The following TBC1D22A variants were observed in gnomAD, a reference collection of about 807,000 sequenced individuals.
TBC1D22A encodes TBC1 domain family member 22A.
A neutral mutation model predicts 60.2 loss-of-function variants in TBC1D22A; 38 were observed. The ratio of observed to expected loss-of-function variants is 0.63; its 90% CI spans 0.49 to 0.83. The LOEUF is 0.83. Ranked by LOEUF, TBC1D22A falls within the 40% of genes least tolerant of loss-of-function variation. The probability of loss-of-function intolerance (pLI) is 0.00; values close to 1 mark genes in which losing one functional copy is unlikely to be tolerated. For missense variants in TBC1D22A, 628 were observed against 701.0 expected, an observed-to-expected ratio of 0.90 and a Z score of 1.18; for synonymous variants, 302 against 281.7, an observed-to-expected ratio of 1.07 and a Z score of -0.72.
intron 10 of TBC1D22A, among the ~76,000 whole-genome samples, chr22:47,010,287 G>C (rs1335444460): frequency 1.3e-5 from 2 of 152,172 alleles, no homozygotes; most frequent in Non-Finnish European, 1.5e-5. Flanking sequence ...GAGAAGCAGA[G>C]GATAAATCAG....
intron 4 of TBC1D22A, among the ~76,000 whole-genome samples, chr22:46,816,155 C>T (rs766121367): frequency 1.1e-4 from 16 of 152,294 alleles, no homozygotes; most frequent in African/African-American, 2.9e-4. Context: ...TGCGGCCGGC[C>T]GCCTGCCTGC....
chr22:47,145,245 C>T (rs1374843073), intron 12 of TBC1D22A, among the ~76,000 whole-genome samples: 2 of 152,194 alleles, frequency 1.3e-5, no homozygotes, highest in Non-Finnish European at 2.9e-5. Flanking sequence ...GCTGGTTCCT[C>T]TGTGGAGAGG....
chr22:47,128,668 A>T (rs2066578666), intron 12 of TBC1D22A, among the ~76,000 whole-genome samples: 1 of 152,080 alleles, frequency 6.6e-6, no homozygotes. Context: ...CCTCTCTGTG[A>T]TGGATACCAC....
intron 4 of TBC1D22A, among the ~76,000 whole-genome samples, chr22:46,875,262 A>G (rs997857968): frequency 2.6e-5 from 4 of 152,216 alleles, no homozygotes; most frequent in Non-Finnish European, 5.9e-5. Flanking sequence ...ACTCTTACAA[A>G]CACATTCTGA....
At chr22:46,899,608 G>A (rs1002746867) in intron 7 of TBC1D22A, among the ~76,000 whole-genome samples, 2 of 152,178 alleles carry the variant, frequency 1.3e-5, no homozygotes, top group East Asian at 1.9e-4. Flanking sequence ...TCTCCAGTAC[G>A]AGGTCATTGT....
intron 1 of TBC1D22A, among the ~76,000 whole-genome samples, chr22:46,771,874 C>T (rs548652361): frequency 8.5e-5 from 13 of 152,162 alleles, no homozygotes; most frequent in Non-Finnish European, 1.5e-4. Flanking sequence ...AGATTACAGG[C>T]GTGAACCACC....
rs547476402 is a variant in TBC1D22A, at chr22:47,164,947, T to C, written c.1426-8551T>C. 3.5e-4 allele frequency among the ~76,000 whole-genome samples: 54 copies of C among 152,280 alleles called. 1 individual carries two copies. The highest frequency in any genetic ancestry group is 1.2e-3 in the Admixed American group (18 of 15,312). ...TGGGTAGGATCAACGATCTTTGACC[T>C]CTGTAATGTGTGGTCCATGGAGACT... On this transcript the variant is annotated intron_variant, in intron 12 of 12. Transcript: ENST00000337137.
At chr22:46,928,067 G>A (rs540545963) in intron 8 of TBC1D22A, among the ~76,000 whole-genome samples, 2 of 151,492 alleles carry the variant, frequency 1.3e-5, no homozygotes, top group East Asian at 3.9e-4. Context: ...AGAAATTGTC[G>A]AGCTTATCTT....
intron 12 of TBC1D22A, among the ~76,000 whole-genome samples, chr22:47,126,735 G>C (rs114736481): frequency 0.025 from 3,735 of 152,352 alleles, 167 homozygotes; most frequent in African/African-American, 0.082. Flanking sequence ...GTGGTTCCAG[G>C]AAGCCATGTC....
At chr22:46,939,112 G>T (rs899856253) in intron 8 of TBC1D22A, among the ~76,000 whole-genome samples, 1 of 147,174 alleles carries the variant, frequency 6.8e-6, no homozygotes, top group Admixed American at 7.0e-5. Flanking sequence ...TAAGCACAGA[G>T]AATTTAGAAT....
chr22:47,022,476 G>T (rs2062123853), intron 10 of TBC1D22A, among the ~76,000 whole-genome samples: 1 of 151,842 alleles, frequency 6.6e-6, no homozygotes, highest in Non-Finnish European at 1.5e-5. Flanking sequence ...GCATCTGGGG[G>T]TTCTTAGGGC....
chr22:46,953,624 A>G (rs2073033964), intron 8 of TBC1D22A, among the ~76,000 whole-genome samples: 1 of 152,042 alleles, frequency 6.6e-6, no homozygotes, highest in Admixed American at 6.5e-5. Context: ...ACATATTTTT[A>G]CTGGGTACAG....
chr22:47,026,136 C>T (rs1430192095), intron 10 of TBC1D22A, among the ~76,000 whole-genome samples: 1 of 152,160 alleles, frequency 6.6e-6, no homozygotes, highest in Non-Finnish European at 1.5e-5. Context: ...CCATAAAAAT[C>T]ACATCTATAT....
intron 7 of TBC1D22A, among the ~76,000 whole-genome samples, chr22:46,895,627 C>T (rs1230500047): frequency 1.3e-5 from 2 of 152,184 alleles, no homozygotes; most frequent in Admixed American, 1.3e-4. Flanking sequence ...CCGCCTTGGC[C>T]TCCCAAAATG....
At chr22:46,977,545 A>G (rs918571376) in intron 9 of TBC1D22A, among the ~76,000 whole-genome samples, 1 of 152,106 alleles carries the variant, frequency 6.6e-6, no homozygotes, top group Non-Finnish European at 1.5e-5. Context: ...TAGGAAAAAG[A>G]ACAAACCACT....
chr22:46,848,449 T>A (rs1355358123), intron 4 of TBC1D22A, among the ~76,000 whole-genome samples: 1 of 152,136 alleles, frequency 6.6e-6, no homozygotes, highest in African/African-American at 2.4e-5. Context: ...GTATAAGAAG[T>A]TTAAGTGATG....
chr22:47,019,525 G>A (rs1385680784), intron 10 of TBC1D22A, among the ~76,000 whole-genome samples: 1 of 151,996 alleles, frequency 6.6e-6, no homozygotes. Flanking sequence ...GCTGAGTCTC[G>A]TATAGGTGTT....
chr22:47,085,489 T>C (rs1187673061), intron 11 of TBC1D22A, among the ~76,000 whole-genome samples: 1 of 152,156 alleles, frequency 6.6e-6, no homozygotes. Flanking sequence ...CATTTATTAT[T>C]AGGCATGGAA....
chr22:46,944,083 A>G (rs1179808444), intron 8 of TBC1D22A, among the ~76,000 whole-genome samples: 2 of 152,190 alleles, frequency 1.3e-5, no homozygotes, highest in Admixed American at 6.5e-5. Flanking sequence ...TTGCTGGTTC[A>G]TATGGGAATT....
Sources: gnomAD v4.1 joint callset for allele counts (sites outside exome capture counted in the v4.1 genomes callset) on GRCh38, gnomAD v4.1.1 for gene constraint, MANE v1.5 for transcripts, NCBI Gene and HGNC (gene_info 2026-07-23, HGNC 2026-07-21) for gene names.